DPH6: variants seen among roughly 807,000 people sequenced by gnomAD.
DPH6 encodes diphthamine biosynthesis 6, also known as diphthine--ammonia ligase.
In DPH6, 33 loss-of-function variants were observed where a neutral mutation model predicts 38.2. The observed-to-expected ratio is 0.86, with a 90% CI of 0.65 to 1.15. The LOEUF (loss-of-function observed/expected upper bound fraction) is 1.15. Among genes scored for constraint, DPH6 ranks in the 50% most tolerant of loss-of-function variants. The probability of loss-of-function intolerance (pLI) is 0.00; values close to 1 mark genes in which losing one functional copy is unlikely to be tolerated. For synonymous variants in DPH6, 108 were observed against 103.0 expected, an observed-to-expected ratio of 1.05 and a Z score of -0.30; for missense variants, 325 against 320.0, an observed-to-expected ratio of 1.02 and a Z score of -0.12.
intron 3 of DPH6, among the ~76,000 whole-genome samples, chr15:35,260,513 TTAAG>T (rs1286410381): frequency 6.6e-6 from 1 of 150,708 alleles, no homozygotes; most frequent in African/African-American, 2.4e-5. Context: ...TAATAATAAA[TTAAG>T]TAATATGAAG....
intron 6 of DPH6, among the ~76,000 whole-genome samples, chr15:35,402,312 G>T (rs2053230853): frequency 6.6e-6 from 1 of 152,106 alleles, no homozygotes; most frequent in Non-Finnish European, 1.5e-5. Context: ...ACCATGAAAA[G>T]GGATTACCCA....
intron 3 of DPH6, among the ~76,000 whole-genome samples, chr15:35,352,768 T>C (rs1355804187): frequency 6.6e-6 from 1 of 152,242 alleles, no homozygotes; most frequent in East Asian, 1.9e-4. Context: ...TAGAGCAGCA[T>C]GATTTATAAT....
At chr15:35,348,485 CT>C (rs2052481209) in intron 3 of DPH6, among the ~76,000 whole-genome samples, 1 of 152,036 alleles carries the variant, frequency 6.6e-6, no homozygotes. Context: ...GCTCTTTGTT[CT>C]GTTACATGGG....
chr15:35,178,306 T>C, the DPH6 span, among the ~76,000 whole-genome samples: 4 of 152,220 alleles, frequency 2.6e-5, no homozygotes, highest in South Asian at 2.1e-4. Flanking sequence ...AGAGGTTTAA[T>C]TGACTCACAG....
At chr15:35,303,810 T>C (rs1035994989) in intron 3 of DPH6, among the ~76,000 whole-genome samples, 17 of 151,756 alleles carry the variant, frequency 1.1e-4, no homozygotes, top group Non-Finnish European at 1.8e-4. Flanking sequence ...TAAAGAAGGA[T>C]ACTAATTTTC....
chr15:35,423,915 TC>T (rs1195303566), intron 5 of DPH6, among the ~76,000 whole-genome samples: 1 of 151,734 alleles, frequency 6.6e-6, no homozygotes, highest in Non-Finnish European at 1.5e-5. Context: ...TCTATTCTAT[TC>T]CATTGGTCTC....
At chr15:35,340,408 G>A (rs1460122733) in intron 3 of DPH6, among the ~76,000 whole-genome samples, 2 of 152,146 alleles carry the variant, frequency 1.3e-5, no homozygotes, top group Non-Finnish European at 2.9e-5. Context: ...GTATGAATTT[G>A]ATCCTGTCAT....
At chr15:35,283,757 TAC>T (rs3028682) in intron 3 of DPH6, among the ~76,000 whole-genome samples, 4,467 of 140,094 alleles carry the variant, frequency 0.032, 68 homozygotes, top group South Asian at 0.052. Flanking sequence ...GCACAGATAG[TAC>T]ACACACACAC....
chr15:35,526,259 T>G (rs1366214787), intron 3 of DPH6, among the ~76,000 whole-genome samples: 4 of 152,212 alleles, frequency 2.6e-5, no homozygotes, highest in Non-Finnish European at 5.9e-5. Flanking sequence ...GGCATTTCAA[T>G]GGCTCCAAAA....
At chr15:35,328,999 G>A (rs2052307107), downstream of DPH6, among the ~76,000 whole-genome samples, 1 of 152,172 alleles carries the variant, frequency 6.6e-6, no homozygotes, top group Non-Finnish European at 1.5e-5. Flanking sequence ...ATTCACTACT[G>A]CAAGAACAGT....
At chr15:35,221,670 C>T (rs923405259) in intron 3 of DPH6, among the ~76,000 whole-genome samples, 3 of 152,170 alleles carry the variant, frequency 2.0e-5, no homozygotes, top group African/African-American at 7.2e-5. Flanking sequence ...TGATGAATAG[C>T]ACTTGGCTTC....
intron 3 of DPH6, among the ~76,000 whole-genome samples, chr15:35,235,126 G>A (rs1374124973): frequency 6.6e-6 from 1 of 152,180 alleles, no homozygotes; most frequent in Non-Finnish European, 1.5e-5. Flanking sequence ...CCATTTCCGG[G>A]CATTCACTTC....
intron 3 of DPH6, among the ~76,000 whole-genome samples, chr15:35,262,396 C>T (rs1751935687): frequency 6.6e-6 from 1 of 152,022 alleles, no homozygotes; most frequent in Non-Finnish European, 1.5e-5. Flanking sequence ...AAAATGTTTT[C>T]TAAGTGATTT....
At chr15:35,261,343 GGTTTTT>G (rs1202182813) in intron 3 of DPH6, among the ~76,000 whole-genome samples, 5 of 152,104 alleles carry the variant, frequency 3.3e-5, no homozygotes, top group Non-Finnish European at 7.4e-5. Context: ...TAGCATTAAG[GGTTTTT>G]GTTTTTGTTA....
chr15:35,267,009 A>G (rs575616781), intron 3 of DPH6, among the ~76,000 whole-genome samples: 1 of 152,334 alleles, frequency 6.6e-6, no homozygotes, highest in South Asian at 2.1e-4. Context: ...GGGCAGCAAT[A>G]GTAGAGTTCA....
chr15:35,253,619 A>T (rs1386512286), intron 3 of DPH6, among the ~76,000 whole-genome samples: 1 of 152,228 alleles, frequency 6.6e-6, no homozygotes, highest in African/African-American at 2.4e-5. Flanking sequence ...GTCACTTAAA[A>T]ATATTCCCAC....
intron 6 of DPH6, among the ~76,000 whole-genome samples, chr15:35,387,897 G>A (rs1479602456): frequency 6.6e-6 from 1 of 152,118 alleles, no homozygotes; most frequent in African/African-American, 2.4e-5. Context: ...GGAGTGGTGA[G>A]AGAGGGCATC....
chr15:35,217,539 A>T (rs950449542), exon 4 of DPH6: 1 of 151,994 alleles, frequency 6.6e-6, no homozygotes, highest in African/African-American at 2.4e-5. Context: ...TTTAGTAGAG[A>T]TGGGGTTTCA....
At chr15:35,436,499 C>CAAAAAAAAAAAAAACA (rs367633039) in intron 5 of DPH6, among the ~76,000 whole-genome samples, 1 of 21,920 alleles carries the variant, frequency 4.6e-5, no homozygotes, top group Admixed American at 6.6e-4. Context: ...CAAAACAAAA[C>CAAAAAAAAAAAAAACA]AAAACAAAAC....
Sources: gnomAD v4.1 joint callset for allele counts (sites outside exome capture counted in the v4.1 genomes callset) on GRCh38, gnomAD v4.1.1 for gene constraint, MANE v1.5 for transcripts, NCBI Gene and HGNC (gene_info 2026-07-23, HGNC 2026-07-21) for gene names.